Variants in RIT2 observed in about 807,000 individuals in gnomAD.
RIT2 encodes GTP-binding protein Rit2.
In RIT2, 24 loss-of-function variants were observed where a neutral mutation model predicts 23.7. The observed-to-expected ratio is 1.01, with a 90% confidence interval of 0.73 to 1.43. The LOEUF (loss-of-function observed/expected upper bound fraction) is 1.43. Among genes scored for constraint, RIT2 ranks in the 40% most tolerant of loss-of-function variants. The pLI is 0.00. For synonymous variants in RIT2, 107 were observed against 91.1 expected, an observed-to-expected ratio of 1.17 and a Z score of -0.99; for missense variants, 236 against 266.9, an observed-to-expected ratio of 0.88 and a Z score of 0.81.
intron 3 of RIT2, among the ~76,000 whole-genome samples, chr18:42,924,779 A>G (rs1157390602): frequency 6.6e-6 from 1 of 152,106 alleles, no homozygotes; most frequent in East Asian, 1.9e-4. Flanking sequence ...ATAAGAACTC[A>G]CAAAATGCCC....
At chr18:43,039,080 C>G (rs1598757401) in intron 1 of RIT2, among the ~76,000 whole-genome samples, 1 of 152,094 alleles carries the variant, frequency 6.6e-6, no homozygotes, top group South Asian at 2.1e-4. Flanking sequence ...TTTCCATCTC[C>G]CTGAGAAGCA....
chr18:43,060,927 A>AT (rs1266538152), intron 1 of RIT2, among the ~76,000 whole-genome samples: 2 of 152,032 alleles, frequency 1.3e-5, no homozygotes, highest in Non-Finnish European at 2.9e-5. Flanking sequence ...GATACCCCGT[A>AT]TTTTTTTGAA....
chr18:42,780,485 G>A (rs1477749999), intron 4 of RIT2, among the ~76,000 whole-genome samples: 1 of 152,006 alleles, frequency 6.6e-6, no homozygotes, highest in Non-Finnish European at 1.5e-5. Context: ...CAGACTCTCT[G>A]GAAAAGACCT....
intron 4 of RIT2, among the ~76,000 whole-genome samples, chr18:42,902,766 C>G (rs1908510722): frequency 6.6e-6 from 1 of 150,740 alleles, no homozygotes; most frequent in Admixed American, 6.6e-5. Flanking sequence ...AAAAAAGAAA[C>G]AAGGAATTGT....
intron 4 of RIT2, among the ~76,000 whole-genome samples, chr18:42,824,512 C>T (rs983637926): frequency 6.6e-6 from 1 of 151,938 alleles, no homozygotes; most frequent in Admixed American, 6.6e-5. Context: ...TACTTTTCAA[C>T]CTTTTTTCTC....
At chr18:42,763,465 A>AC (rs1240725128) in intron 4 of RIT2, among the ~76,000 whole-genome samples, 1 of 151,232 alleles carries the variant, frequency 6.6e-6, no homozygotes, top group Non-Finnish European at 1.5e-5. Context: ...CCGTCTCAAA[A>AC]AAAAAAAAAA....
At chr18:42,765,284 A>G (rs1285622370) in intron 4 of RIT2, among the ~76,000 whole-genome samples, 1 of 152,190 alleles carries the variant, frequency 6.6e-6, no homozygotes, top group Non-Finnish European at 1.5e-5. Context: ...AATGCAAATG[A>G]CTCAATTCAT....
chr18:42,803,282 C>T (rs1241141818), intron 4 of RIT2, among the ~76,000 whole-genome samples: 2 of 152,170 alleles, frequency 1.3e-5, no homozygotes, highest in Non-Finnish European at 2.9e-5. Context: ...ATATTATCCA[C>T]AGAAAGGAAC....
chr18:42,819,590 A>C (rs1009697846), intron 4 of RIT2, among the ~76,000 whole-genome samples: 9 of 152,078 alleles, frequency 5.9e-5, no homozygotes, highest in African/African-American at 2.2e-4. Context: ...TGTACTCTAC[A>C]AATATCAATT....
chr18:42,933,045 T>A (rs1375881803), intron 3 of RIT2, among the ~76,000 whole-genome samples: 1 of 152,192 alleles, frequency 6.6e-6, no homozygotes, highest in Non-Finnish European at 1.5e-5. Context: ...ATGCTTAAAC[T>A]GTGTTTAACA....
At chr18:42,963,533 GA>G (rs1183575245) in intron 3 of RIT2, among the ~76,000 whole-genome samples, 2 of 152,112 alleles carry the variant, frequency 1.3e-5, no homozygotes, top group African/African-American at 4.8e-5. Flanking sequence ...ATATTCATGG[GA>G]AAAAAAGAAG....
At chr18:42,794,161 CCTT>C (rs555577525) in intron 4 of RIT2, among the ~76,000 whole-genome samples, 14 of 152,168 alleles carry the variant, frequency 9.2e-5, no homozygotes, top group Non-Finnish European at 1.5e-4. Context: ...GCCAGGCACT[CCTT>C]CTTTTCCTCC....
intron 1 of RIT2, among the ~76,000 whole-genome samples, chr18:43,113,296 G>A (rs908315637): frequency 2.0e-5 from 3 of 152,158 alleles, no homozygotes; most frequent in Non-Finnish European, 2.9e-5. Context: ...TGAAATTGTA[G>A]TATGAGAAAT....
At chr18:42,786,374 T>C (rs1350273624) in intron 4 of RIT2, among the ~76,000 whole-genome samples, 3 of 152,220 alleles carry the variant, frequency 2.0e-5, no homozygotes, top group Non-Finnish European at 2.9e-5. Context: ...CAACACATTG[T>C]TATTCATGAA....
chr18:43,090,241 G>A (rs887106514), intron 1 of RIT2, among the ~76,000 whole-genome samples: 2 of 151,978 alleles, frequency 1.3e-5, no homozygotes, highest in African/African-American at 4.8e-5. Context: ...AAAAGAAGAT[G>A]TACATGTGGC....
intron 4 of RIT2, among the ~76,000 whole-genome samples, chr18:42,784,258 T>C (rs936627313): frequency 7.4e-6 from 1 of 135,276 alleles, no homozygotes; most frequent in African/African-American, 3.1e-5. Flanking sequence ...TTCGTTCATC[T>C]CTCCCTTGCG....
At chr18:42,851,220 TGCAGA>T (rs1907046135) in intron 4 of RIT2, among the ~76,000 whole-genome samples, 1 of 152,240 alleles carries the variant, frequency 6.6e-6, no homozygotes, top group Non-Finnish European at 1.5e-5. Flanking sequence ...TTTCTATCTC[TGCAGA>T]GCTACTTGAT....
chr18:42,997,534 A>T (rs1911013777), intron 2 of RIT2, among the ~76,000 whole-genome samples: 1 of 152,068 alleles, frequency 6.6e-6, no homozygotes, highest in African/African-American at 2.4e-5. Flanking sequence ...CCTGATTAAA[A>T]GTTCACCTTG....
chr18:42,991,870 G>A (rs992604230), intron 2 of RIT2, among the ~76,000 whole-genome samples: 19 of 151,488 alleles, frequency 1.3e-4, no homozygotes, highest in African/African-American at 4.1e-4. Context: ...CTCTCTTTTC[G>A]GACTCAGCCC....
Sources: allele counts gnomAD v4.1 joint callset (sites outside exome capture counted in the v4.1 genomes callset), GRCh38; gene constraint gnomAD v4.1.1; transcripts MANE v1.5; gene names NCBI Gene and HGNC (gene_info 2026-07-23, HGNC 2026-07-21).